Variants in NDP observed in about 807,000 individuals in gnomAD.
The protein encoded by NDP is norrin cystine knot growth factor NDP, also known as norrin.
In NDP, 2 loss-of-function variants were observed where a neutral mutation model predicts 8.4. The ratio of observed to expected loss-of-function variants is 0.24; its 90% confidence interval spans 0.10 to 0.75. The LOEUF (loss-of-function observed/expected upper bound fraction) is 0.75. Ranked by LOEUF, NDP falls within the 30% of genes least tolerant of loss-of-function variation. The pLI is 0.73. For synonymous variants in NDP, 55 were observed against 45.6 expected (o/e 1.21, Z -0.83); for missense variants, 81 against 110.1 (o/e 0.74, Z 1.18).
At chrX:43,961,527 C>A (rs1344903341) in intron 1 of NDP, among the ~76,000 whole-genome samples, 2 of 111,868 alleles carry the variant, frequency 1.8e-5, no homozygotes, top group African/African-American at 6.5e-5. Flanking sequence ...ATTTGTATAG[C>A]AAAGCTCTGA....
rs2035748468 is a variant in NDP, at chrX:43,949,628, G to A, written c.*171C>T. On this transcript the variant is annotated 3_prime_UTR_variant, in exon 3 of 3. Coordinates refer to ENST00000642620, the MANE Select transcript of NDP (RefSeq NM_000266.4). Reference sequence around the variant, plus strand: ...TGGGAACTGCAAAGAAGTTCCCAGAGTATCTCTCTCTGTCAACAAGCATGT... The same window carrying A: ...TGGGAACTGCAAAGAAGTTCCCAGAATATCTCTCTCTGTCAACAAGCATGT... 8.2e-6 allele frequency: 4 copies of A among 486,076 alleles called. No homozygotes were observed. The highest frequency in any genetic ancestry group is 1.1e-5 in the Non-Finnish European group (3 of 279,038). The allele number at this position is 486,076 out of a possible 1,213,427, so 40.1% of individuals were successfully genotyped here.
intron 1 of NDP, among the ~76,000 whole-genome samples, chrX:43,965,986 A>G (rs1020469345): frequency 5.4e-5 from 6 of 111,895 alleles, no homozygotes; most frequent in African/African-American, 2.0e-4. Flanking sequence ...ATCAGAAAAG[A>G]GTCATTCTGA....
At chrX:43,966,297 G>A (rs2035857490) in intron 1 of NDP, among the ~76,000 whole-genome samples, 1 of 111,478 alleles carries the variant, frequency 9.0e-6, no homozygotes, top group African/African-American at 3.3e-5. Flanking sequence ...TCTTCAATGG[G>A]GAATTAAAGT....
intron 2 of NDP, chrX:43,954,612 T>C (rs1450437647): frequency 9.0e-6 from 1 of 111,432 alleles, no homozygotes; most frequent in Non-Finnish European, 1.9e-5. Flanking sequence ...AAGAAGTCTA[T>C]TGTATTATAA....
intron 1 of NDP, chrX:43,960,775 C>G (rs1042559291): frequency 1.8e-5 from 2 of 112,121 alleles, no homozygotes; most frequent in Admixed American, 9.4e-5. Flanking sequence ...TTCACTGCTT[C>G]GGTCTACAGA....
chrX:43,950,826 C>G (rs1014374540), intron 2 of NDP, among the ~76,000 whole-genome samples: 1 of 111,881 alleles, frequency 8.9e-6, no homozygotes, highest in African/African-American at 3.2e-5. Context: ...AAACAGACAC[C>G]TTTAAGAATC....
intron 2 of NDP, among the ~76,000 whole-genome samples, chrX:43,956,442 C>T (rs984947036): frequency 2.6e-4 from 29 of 111,949 alleles, no homozygotes; most frequent in African/African-American, 8.1e-4. Context: ...CTTTTCTAGA[C>T]ATAGGCTAAA....
chrX:43,961,972 G>A (rs929785093), intron 1 of NDP, among the ~76,000 whole-genome samples: 5 of 111,750 alleles, frequency 4.5e-5, no homozygotes, highest in African/African-American at 1.6e-4. Flanking sequence ...CACAGATAAA[G>A]AGATAGTTAA....
intron 1 of NDP, among the ~76,000 whole-genome samples, chrX:43,970,392 A>G (rs1215512585): frequency 8.9e-6 from 1 of 112,421 alleles, no homozygotes; most frequent in Non-Finnish European, 1.9e-5. Flanking sequence ...CCGCTGGCCA[A>G]GAAGCTGAGG....
At chrX:43,952,435 G>T (rs904040003) in intron 2 of NDP, among the ~76,000 whole-genome samples, 2 of 111,877 alleles carry the variant, frequency 1.8e-5, no homozygotes, top group African/African-American at 6.5e-5. Context: ...TTCAGTCTGG[G>T]TGGACAAAGT....
intron 2 of NDP, among the ~76,000 whole-genome samples, chrX:43,956,199 G>T (rs1195990203): frequency 2.7e-5 from 3 of 111,759 alleles, no homozygotes; most frequent in Non-Finnish European, 3.8e-5. Context: ...GTTCAAGCAG[G>T]TACACTCCCT....
intron 1 of NDP, among the ~76,000 whole-genome samples, chrX:43,960,088 G>C (rs1019526546): frequency 9.0e-6 from 1 of 111,347 alleles, no homozygotes; most frequent in Non-Finnish European, 1.9e-5. Context: ...TAAGTGGAAA[G>C]GGGTGTGTGA....
At chrX:43,966,496 T>C (rs983080785) in intron 1 of NDP, 4 of 111,887 alleles carry the variant, frequency 3.6e-5, no homozygotes, top group Non-Finnish European at 7.5e-5. Flanking sequence ...TGAGACACAC[T>C]CTACTGCTCA....
At chrX:43,966,407 C>CA (rs1424656374) in intron 1 of NDP, 1 of 111,687 alleles carries the variant, frequency 9.0e-6, no homozygotes, top group Non-Finnish European at 1.9e-5. Flanking sequence ...TCAATTTTTT[C>CA]AAATAGCACA....
intron 1 of NDP, among the ~76,000 whole-genome samples, chrX:43,960,194 C>T (rs1399951904): frequency 1.8e-5 from 2 of 111,415 alleles, no homozygotes; most frequent in African/African-American, 3.3e-5. Context: ...AGGGCAAGGA[C>T]CAGTAATGAG....
rs188805739 is a variant in NDP, at chrX:43,963,317, A to G, written c.-207-4465T>C. Among the ~76,000 whole-genome samples, 640 of 95,962 alleles carry G rather than the reference A, an allele frequency of 6.7e-3. 2 individuals carry two copies. Among genetic ancestry groups the G allele is most frequent in the African/African-American group, 0.023 (611 of 26,770 alleles). The allele number at this position is 95,962 out of a possible 115,157, so 83.3% of individuals were successfully genotyped here. A position where few individuals can be genotyped will look rare whatever the true frequency, so the allele number is the denominator to read the frequency against. On this transcript the variant is annotated intron_variant, in intron 1 of 2. Coordinates refer to ENST00000642620, the MANE Select transcript of NDP (RefSeq NM_000266.4). ...CTTCTAGCTCACTGACTCTGCAGGC[A>G]GAGTCTTGGCCTGTTGTTTTCCTGG...
Position 43,952,280 on chromosome X carries a change from T to G in NDP, c.175-2254A>C, listed in dbSNP as rs1052343743. 6.3e-5 allele frequency among the ~76,000 whole-genome samples: 7 copies of G among 111,611 alleles called. 1 individual carries two copies. Among genetic ancestry groups the G allele is most frequent in the Non-Finnish European group, 1.3e-4 (7 of 53,111 alleles). On this transcript the variant is annotated intron_variant, in intron 2 of 2. Transcript: ENST00000642620. ...TCTTCCTTAGTCTGTTCTCCCCCCA[T>G]CTCCCTGTATGTGGGAAGAGCTGCT...
rs762426277 is a variant in NDP, at chrX:43,958,465, G to A, written c.174+7C>T. 3 of 1,208,629 alleles carry A rather than the reference G, an allele frequency of 2.5e-6. No individual in the cohort carries two copies. Among genetic ancestry groups the A allele is most frequent in the Non-Finnish European group, 3.4e-6 (3 of 893,557 alleles). ...AAATGCTCTCCTCACAGAGACCTTG[G>A]TCTTACCTTTGAGCTACACTTGTAC... is the stretch of plus-strand genomic sequence containing the variant. On this transcript the variant is annotated splice_region_variant and intron_variant, in intron 2 of 2. Transcript: ENST00000642620.
chrX:43,959,602 A>G (rs891215548), intron 1 of NDP, among the ~76,000 whole-genome samples: 6 of 111,313 alleles, frequency 5.4e-5, no homozygotes, highest in Admixed American at 3.8e-4. Context: ...TTAAAATAGG[A>G]TCATATTATA....
Sources: gnomAD v4.1 joint callset for allele counts (sites outside exome capture counted in the v4.1 genomes callset) on GRCh38, gnomAD v4.1.1 for gene constraint, MANE v1.5 for transcripts, NCBI Gene and HGNC (gene_info 2026-07-23, HGNC 2026-07-21) for gene names.